Variants in MGAT4C observed in about 807,000 individuals in gnomAD.
The protein encoded by MGAT4C is alpha-1,3-mannosyl-glycoprotein 4-beta-N-acetylglucosaminyltransferase C.
A neutral mutation model predicts 40.1 loss-of-function variants in MGAT4C; 19 were observed. That is an observed-to-expected ratio of 0.47 (90% CI 0.33 to 0.70). The LOEUF is 0.70. Among genes scored for constraint, MGAT4C ranks in the 30% least tolerant of loss-of-function variants. MGAT4C has a pLI of 0.02. For synonymous variants in MGAT4C, 181 were observed against 187.1 expected (o/e 0.97, Z 0.27); for missense variants, 491 against 563.2 (o/e 0.87, Z 1.30).
intron 2 of MGAT4C, among the ~76,000 whole-genome samples, chr12:86,652,566 G>T (rs1240874336): frequency 2.0e-5 from 3 of 151,858 alleles, no homozygotes; most frequent in Admixed American, 1.3e-4. Context: ...GAGGAGTTTG[G>T]AATGCTGATA....
chr12:86,680,248 A>C (rs1391133054), intron 2 of MGAT4C, among the ~76,000 whole-genome samples: 1 of 152,068 alleles, frequency 6.6e-6, no homozygotes, highest in African/African-American at 2.4e-5. Flanking sequence ...ATATACTTTT[A>C]GTAACATCTA....
At chr12:86,674,208 C>T (rs1284787940) in intron 2 of MGAT4C, among the ~76,000 whole-genome samples, 3 of 151,944 alleles carry the variant, frequency 2.0e-5, no homozygotes, top group Non-Finnish European at 2.9e-5. Flanking sequence ...ACTTACAGAT[C>T]AAAATATGTA....
intron 1 of MGAT4C, among the ~76,000 whole-genome samples, chr12:86,741,187 T>G (rs1951062674): frequency 6.6e-6 from 1 of 151,212 alleles, no homozygotes; most frequent in Non-Finnish European, 1.5e-5. Flanking sequence ...AAAAGACACA[T>G]GCACTCGTAT....
At chr12:86,601,611 C>T (rs1167777134) in intron 2 of MGAT4C, among the ~76,000 whole-genome samples, 1 of 152,108 alleles carries the variant, frequency 6.6e-6, no homozygotes, top group Non-Finnish European at 1.5e-5. Context: ...GAACTCAGGA[C>T]CCCCAGACTG....
At chr12:86,350,967 CCA>C (rs1955146042) in intron 3 of MGAT4C, among the ~76,000 whole-genome samples, 1 of 150,756 alleles carries the variant, frequency 6.6e-6, no homozygotes, top group South Asian at 2.1e-4. Context: ...TTTTTTCCCA[CCA>C]TATATATATC....
At chr12:86,485,292 A>C (rs2136317108) in intron 2 of MGAT4C, among the ~76,000 whole-genome samples, 1 of 152,306 alleles carries the variant, frequency 6.6e-6, no homozygotes, top group East Asian at 1.9e-4. Context: ...TAAGCTTATC[A>C]AGGTTCAGGA....
intron 1 of MGAT4C, among the ~76,000 whole-genome samples, chr12:86,772,629 C>T (rs1352560714): frequency 1.7e-5 from 1 of 59,778 alleles, no homozygotes; most frequent in African/African-American, 4.0e-5. Context: ...AGGACTGCTA[C>T]CATGATGGTC....
At chr12:86,324,115 A>T (rs1954464911) in intron 4 of MGAT4C, among the ~76,000 whole-genome samples, 1 of 151,924 alleles carries the variant, frequency 6.6e-6, no homozygotes, top group African/African-American at 2.4e-5. Flanking sequence ...ATACTGTCAC[A>T]AATTCATTTA....
intron 2 of MGAT4C, among the ~76,000 whole-genome samples, chr12:86,464,851 G>T (rs906107359): frequency 6.6e-6 from 1 of 151,814 alleles, no homozygotes; most frequent in Non-Finnish European, 1.5e-5. Context: ...ACAAACAAGC[G>T]TATGACTTCT....
intron 2 of MGAT4C, among the ~76,000 whole-genome samples, chr12:86,621,633 C>T (rs1962641335): frequency 1.3e-5 from 2 of 152,062 alleles, no homozygotes; most frequent in South Asian, 2.1e-4. Context: ...TGCACACCAC[C>T]ATGGCTGGCT....
chr12:86,104,558 T>C (rs1332483358), intron 1 of MGAT4C, among the ~76,000 whole-genome samples: 3 of 152,148 alleles, frequency 2.0e-5, no homozygotes, highest in African/African-American at 7.2e-5. Flanking sequence ...AGAGGTAAGA[T>C]ATAACAAGCT....
intron 1 of MGAT4C, among the ~76,000 whole-genome samples, chr12:86,070,321 T>C (rs190426292): frequency 3.3e-5 from 5 of 152,240 alleles, no homozygotes; most frequent in African/African-American, 1.2e-4. Flanking sequence ...TTACTTATTT[T>C]CTGTCTTCTC....
intron 1 of MGAT4C, among the ~76,000 whole-genome samples, chr12:86,132,559 CAAG>C (rs972251922): frequency 3.3e-5 from 5 of 151,974 alleles, no homozygotes; most frequent in Non-Finnish European, 7.4e-5. Flanking sequence ...TTTGGGATGC[CAAG>C]GAGGGCAGAT....
intron 1 of MGAT4C, among the ~76,000 whole-genome samples, chr12:86,763,438 T>C (rs912347256): frequency 2.0e-5 from 3 of 152,212 alleles, no homozygotes; most frequent in African/African-American, 4.8e-5. Flanking sequence ...TTTGATATCA[T>C]ATTAATGTGT....
intron 2 of MGAT4C, among the ~76,000 whole-genome samples, chr12:86,007,641 T>C (rs1888030498): frequency 6.6e-6 from 1 of 151,872 alleles, no homozygotes; most frequent in Non-Finnish European, 1.5e-5. Flanking sequence ...AAAAAAACAA[T>C]AAAAACAAAA....
chr12:86,259,193 T>G (rs554393342), upstream of MGAT4C, among the ~76,000 whole-genome samples: 3 of 152,110 alleles, frequency 2.0e-5, no homozygotes, highest in East Asian at 5.8e-4. Context: ...TTTGTGATTT[T>G]TTAGTGGTGT....
intron 1 of MGAT4C, among the ~76,000 whole-genome samples, chr12:86,054,254 C>G (rs1176630333): frequency 6.6e-6 from 1 of 151,882 alleles, no homozygotes; most frequent in Non-Finnish European, 1.5e-5. Flanking sequence ...CAAGGGAATC[C>G]TGTAATTTGC....
chr12:86,541,056 C>T (rs1959165269), intron 2 of MGAT4C, among the ~76,000 whole-genome samples: 1 of 152,076 alleles, frequency 6.6e-6, no homozygotes, highest in Admixed American at 6.5e-5. Context: ...ATTTTGAAGA[C>T]ATTGTTCATT....
At chr12:86,420,030 C>G (rs568841646) in intron 3 of MGAT4C, among the ~76,000 whole-genome samples, 1 of 151,696 alleles carries the variant, frequency 6.6e-6, no homozygotes, top group South Asian at 2.1e-4. Flanking sequence ...TAAAAGTTAA[C>G]CATTTTAAGT....
Sources: allele counts gnomAD v4.1 joint callset (sites outside exome capture counted in the v4.1 genomes callset), GRCh38; gene constraint gnomAD v4.1.1; transcripts MANE v1.5; gene names NCBI Gene and HGNC (gene_info 2026-07-23, HGNC 2026-07-21).